PIK3CB: variants seen among roughly 807,000 people sequenced by gnomAD.
The protein encoded by PIK3CB is phosphatidylinositol-4,5-bisphosphate 3-kinase catalytic subunit beta, also known as phosphatidylinositol 4,5-bisphosphate 3-kinase catalytic subunit beta isoform.
In PIK3CB, 39 loss-of-function variants were observed where a neutral mutation model predicts 136.8. That is an observed-to-expected ratio of 0.29 (90% CI 0.22 to 0.37). PIK3CB has a LOEUF of 0.37. PIK3CB is among the 10% of genes least tolerant of loss of function. The pLI, the probability that PIK3CB is intolerant of heterozygous loss-of-function variation, is 1.00. For missense variants in PIK3CB, 868 were observed against 1,275.4 expected, an observed-to-expected ratio of 0.68 and a Z score of 4.87; for synonymous variants, 428 against 436.6, an observed-to-expected ratio of 0.98 and a Z score of 0.25.
At chr3:138,743,075 AT>A (rs1463239994) in intron 4 of PIK3CB, among the ~76,000 whole-genome samples, 1 of 152,250 alleles carries the variant, frequency 6.6e-6, no homozygotes, top group African/African-American at 2.4e-5. Context: ...CACAATACAT[AT>A]TTTAAAGCCA....
rs1236259525 is a variant in PIK3CB at position 138,712,235 on chromosome 3, T to G, written c.1372A>C (p.Ile458Leu). Residue 458 changes from isoleucine to leucine, a missense_variant, in exon 10 of 24, where the codon ATA becomes CTA. Ile to Leu is a conservative substitution (Grantham distance 5). This residue lies in a region of PIK3CB where 612 missense variants were observed against 801.1 expected (regional missense o/e 0.76). Transcript: ENST00000674063. ...GGAAATGAAGACCAGCTGTGTAATATTATGTCTCCAGTTCTCAATTGTCCT... is the reference window on the plus strand; with the variant it reads ...GGAAATGAAGACCAGCTGTGTAATAGTATGTCTCCAGTTCTCAATTGTCCT... Reference protein sequence around the residue: ...FKGQLRTGDIILHSWSSFPDE... With the variant: ...FKGQLRTGDILLHSWSSFPDE... 5.1e-6 allele frequency: 8 copies of G among 1,571,002 alleles called. No individual in the cohort carries two copies. Among genetic ancestry groups the G allele is most frequent in the Non-Finnish European group, 7.0e-6 (8 of 1,148,604 alleles).
chr3:138,715,885 C>G (rs977584019), intron 8 of PIK3CB, among the ~76,000 whole-genome samples: 1 of 151,786 alleles, frequency 6.6e-6, no homozygotes, highest in African/African-American at 2.4e-5. Flanking sequence ...ATTCTTTTAT[C>G]TAATTCCAGC....
intron 2 of PIK3CB, among the ~76,000 whole-genome samples, chr3:138,772,783 CT>C (rs776881626): frequency 2.8e-3 from 311 of 112,206 alleles, no homozygotes; most frequent in Middle Eastern, 0.012. Flanking sequence ...TATTTATTCT[CT>C]TTTTTTTTTT....
intron 14 of PIK3CB, among the ~76,000 whole-genome samples, chr3:138,694,324 T>C (rs374426341): frequency 6.6e-6 from 1 of 152,112 alleles, no homozygotes; most frequent in African/African-American, 2.4e-5. Context: ...ACGAAGTCTC[T>C]AACAAGCTTC....
At chr3:138,683,343 C>T (rs1255476127) in intron 18 of PIK3CB, among the ~76,000 whole-genome samples, 1 of 147,474 alleles carries the variant, frequency 6.8e-6, no homozygotes, top group Non-Finnish European at 1.5e-5. Flanking sequence ...GACAGTGAGA[C>T]CCTGTCTCAA....
intron 14 of PIK3CB, among the ~76,000 whole-genome samples, chr3:138,692,551 C>A (rs992529182): frequency 3.3e-5 from 5 of 152,100 alleles, no homozygotes; most frequent in Admixed American, 3.3e-4. Context: ...AAAATTCATG[C>A]CCACTATATA....
chr3:138,802,558 AAAG>A (rs1302923330), intron 1 of PIK3CB, among the ~76,000 whole-genome samples: 2 of 151,994 alleles, frequency 1.3e-5, no homozygotes, highest in African/African-American at 4.8e-5. Flanking sequence ...GGAAAAAAAA[AAAG>A]AGAGAAAAAA....
At chr3:138,767,312 T>C (rs527389015) in intron 2 of PIK3CB, among the ~76,000 whole-genome samples, 52 of 152,330 alleles carry the variant, frequency 3.4e-4, no homozygotes, top group Middle Eastern at 3.4e-3. Flanking sequence ...TGTTTGATTA[T>C]CCATTACCTA....
At chr3:138,700,315 A>C (rs1459550886) in intron 12 of PIK3CB, among the ~76,000 whole-genome samples, 2 of 152,198 alleles carry the variant, frequency 1.3e-5, no homozygotes, top group Non-Finnish European at 2.9e-5. Flanking sequence ...CTGAATATAA[A>C]AAATGAAACT....
chr3:138,709,498 T>C (rs946129971), intron 10 of PIK3CB, among the ~76,000 whole-genome samples: 9 of 152,058 alleles, frequency 5.9e-5, no homozygotes, highest in Non-Finnish European at 1.3e-4. Flanking sequence ...ATAAAAAAAT[T>C]ATGGAAAGTT....
At chr3:138,772,725 C>T (rs908020992) in intron 2 of PIK3CB, among the ~76,000 whole-genome samples, 19 of 150,452 alleles carry the variant, frequency 1.3e-4, no homozygotes, top group African/African-American at 4.7e-4. Context: ...CCTCCTACCT[C>T]GGTCTCTCAA....
chr3:138,676,084 T>C (rs1229014644), intron 19 of PIK3CB, among the ~76,000 whole-genome samples: 2 of 152,124 alleles, frequency 1.3e-5, no homozygotes, highest in Admixed American at 6.6e-5. Context: ...GGGTCTAGTA[T>C]ATAAAATATA....
At chr3:138,725,243 T>C (rs528986952) in intron 8 of PIK3CB, among the ~76,000 whole-genome samples, 65 of 152,336 alleles carry the variant, frequency 4.3e-4, no homozygotes, top group African/African-American at 1.5e-3. Context: ...TATACTTTAA[T>C]AGATAAGGAG....
At chr3:138,696,856 TAAA>T (rs1005406153) in intron 13 of PIK3CB, among the ~76,000 whole-genome samples, 1 of 151,688 alleles carries the variant, frequency 6.6e-6, no homozygotes, top group Non-Finnish European at 1.5e-5. Context: ...ATAGCAGTAA[TAAA>T]AAAAACTCCT....
intron 2 of PIK3CB, among the ~76,000 whole-genome samples, chr3:138,766,717 T>C (rs1321443852): frequency 1.3e-5 from 2 of 152,316 alleles, no homozygotes; most frequent in African/African-American, 2.4e-5. Flanking sequence ...AAAGTATCAA[T>C]TGATTCAGAA....
chr3:138,665,323 T>C, intron 19 of PIK3CB, 120 bp from the exon 20 acceptor site: 1 of 614,264 alleles, frequency 1.6e-6, no homozygotes, highest in Non-Finnish European at 2.6e-6. Flanking sequence ...TTGCCATTAC[T>C]ATATTATTGT....
At chr3:138,706,952 G>A (rs1216436509) in intron 11 of PIK3CB, among the ~76,000 whole-genome samples, 1 of 152,096 alleles carries the variant, frequency 6.6e-6, no homozygotes, top group Non-Finnish European at 1.5e-5. Flanking sequence ...CACTGCGCCC[G>A]GCCTGGAGGT....
chr3:138,802,375 C>CA (rs57784675), intron 1 of PIK3CB, among the ~76,000 whole-genome samples: 1,938 of 118,072 alleles, frequency 0.016, 29 homozygotes, highest in South Asian at 0.051. Flanking sequence ...GACTCCATCT[C>CA]AAAAAAAAAA....
At chr3:138,784,409 C>T (rs10155018) in intron 2 of PIK3CB, among the ~76,000 whole-genome samples, 7,251 of 151,916 alleles carry the variant, frequency 0.048, 262 homozygotes, top group South Asian at 0.14. Flanking sequence ...TCTCCCTCTC[C>T]CTCCCCCTCC....
Sources: allele counts gnomAD v4.1 joint callset (sites outside exome capture counted in the v4.1 genomes callset), GRCh38; gene constraint gnomAD v4.1.1; regional missense constraint gnomAD v4.1.1; transcripts MANE v1.5; gene names NCBI Gene and HGNC (gene_info 2026-07-23, HGNC 2026-07-21).